The following SYT17 variants were observed in gnomAD, a reference collection of about 807,000 sequenced individuals.
SYT17 encodes synaptotagmin 17, also known as synaptotagmin-17.
SYT17 carries 22 observed loss-of-function variants against 46.7 expected under a neutral mutation model. The ratio of observed to expected loss-of-function variants is 0.47; its 90% CI spans 0.34 to 0.67. The LOEUF is 0.67. Among genes scored for constraint, SYT17 ranks in the 30% least tolerant of loss-of-function variants. The pLI is 0.01. For synonymous variants in SYT17, 251 were observed against 248.4 expected, an observed-to-expected ratio of 1.01 and a Z score of -0.10; for missense variants, 519 against 612.8, an observed-to-expected ratio of 0.85 and a Z score of 1.62.
intron 5 of SYT17, among the ~76,000 whole-genome samples, chr16:19,195,049 G>A (rs574161932): frequency 1.3e-5 from 2 of 152,322 alleles, no homozygotes; most frequent in Non-Finnish European, 2.9e-5. Flanking sequence ...CCAGCTGTGT[G>A]AACTTGGGTC....
At chr16:19,175,430 G>A (rs1212919009) in intron 3 of SYT17, among the ~76,000 whole-genome samples, 1 of 151,962 alleles carries the variant, frequency 6.6e-6, no homozygotes, top group Non-Finnish European at 1.5e-5. Context: ...GAGGTGGGAG[G>A]ACTGCTTGAG....
At chr16:19,244,907 C>T (rs59409367) in intron 7 of SYT17, among the ~76,000 whole-genome samples, 14,386 of 152,212 alleles carry the variant, frequency 0.095, 1,460 homozygotes, top group African/African-American at 0.23. Context: ...GAAGGAGAGG[C>T]TGGGAAATGT....
chr16:19,175,574 C>A (rs1288684771), intron 3 of SYT17, among the ~76,000 whole-genome samples: 1 of 144,478 alleles, frequency 6.9e-6, no homozygotes, highest in Admixed American at 7.3e-5. Context: ...TCGTTTGAGC[C>A]TGGAAAGTCA....
At chr16:19,252,020 C>G (rs11645516) in intron 7 of SYT17, among the ~76,000 whole-genome samples, 106,656 of 151,502 alleles carry the variant, frequency 0.7, 38,790 homozygotes, top group East Asian at 0.99. Context: ...GAGCAGCCTG[C>G]CTAACATGGC....
chr16:19,259,394 C>A (rs2143001098), intron 7 of SYT17, among the ~76,000 whole-genome samples: 1 of 152,268 alleles, frequency 6.6e-6, no homozygotes, highest in Non-Finnish European at 1.5e-5. Flanking sequence ...GATTCATGAT[C>A]ATAATTATAA....
In SYT17 at chr16:19,229,980, T is replaced by C. The variant is rs116066924; in HGVS notation, c.1228+5142T>C. ...TATGAGAGGACAAATGCCGTATCAT[T>C]TCATTTATGTGAAATACCTAGAGTA... On this transcript the variant is annotated intron_variant, in intron 7 of 7. Coordinates refer to ENST00000355377, the MANE Select transcript of SYT17 (RefSeq NM_016524.4). Among the ~76,000 whole-genome samples the C allele has an allele frequency of 6.6e-3, 1,000 of 152,334 alleles. 9 individuals carry two copies. Among genetic ancestry groups the C allele is most frequent in the African/African-American group, 0.022 (929 of 41,572 alleles).
At chr16:19,203,703 G>A (rs890066473) in intron 5 of SYT17, among the ~76,000 whole-genome samples, 4 of 152,212 alleles carry the variant, frequency 2.6e-5, no homozygotes, top group African/African-American at 9.6e-5. Flanking sequence ...ATGGCTCTGT[G>A]CCCAATGCAG....
intron 7 of SYT17, among the ~76,000 whole-genome samples, chr16:19,256,816 G>A (rs773142657): frequency 1.3e-5 from 2 of 152,030 alleles, no homozygotes; most frequent in African/African-American, 2.4e-5. Context: ...GGGCTCAAGC[G>A]ATCCTCCCAC....
intron 7 of SYT17, among the ~76,000 whole-genome samples, chr16:19,227,888 C>A (rs938558886): frequency 6.6e-6 from 1 of 152,184 alleles, no homozygotes; most frequent in Non-Finnish European, 1.5e-5. Context: ...CCAGGACATT[C>A]CATGGATACC....
chr16:19,178,574 G>A (rs1964415522), intron 3 of SYT17, among the ~76,000 whole-genome samples: 1 of 152,206 alleles, frequency 6.6e-6, no homozygotes, highest in South Asian at 2.1e-4. Flanking sequence ...TTACAGGCAT[G>A]AGCCACCATG....
chr16:19,209,599 G>C (rs994146919), intron 5 of SYT17, among the ~76,000 whole-genome samples: 7 of 152,056 alleles, frequency 4.6e-5, no homozygotes, highest in African/African-American at 1.2e-4. Flanking sequence ...GGCTGGGCGC[G>C]GTGGCTCACG....
intron 4 of SYT17, among the ~76,000 whole-genome samples, chr16:19,182,385 G>A (rs1162418471): frequency 6.6e-6 from 1 of 152,208 alleles, no homozygotes; most frequent in Non-Finnish European, 1.5e-5. Flanking sequence ...CTGCACTCCA[G>A]CCTGGACGAT....
intron 5 of SYT17, among the ~76,000 whole-genome samples, chr16:19,191,838 G>A (rs545913098): frequency 6.6e-6 from 1 of 152,264 alleles, no homozygotes; most frequent in Admixed American, 6.5e-5. Flanking sequence ...AGACTGGAGT[G>A]TAGTGGCATG....
rs543664461 is a variant in SYT17 at position 19,184,696 on chromosome 16, A to G, written c.951+549A>G. 1.0e-3 allele frequency among the ~76,000 whole-genome samples: 158 copies of G among 152,164 alleles called. No individual in the cohort carries two copies. The South Asian group carries it at 0.012, about 11-fold the overall frequency. On this transcript the variant is annotated intron_variant, in intron 5 of 7. Coordinates refer to ENST00000355377, the MANE Select transcript of SYT17 (RefSeq NM_016524.4). ...CTTTCTGTGAAAATTTATCACATGT[A>G]TAGATTCCTGTAACCACCACCACTC...
rs563416777 is a variant in SYT17 at position 19,266,332 on chromosome 16, G to C, written c.1229-548G>C. On this transcript the variant is annotated intron_variant, in intron 7 of 7. Coordinates refer to ENST00000355377, the MANE Select transcript of SYT17 (RefSeq NM_016524.4). Reference sequence around the variant, plus strand: ...TTTGGGGTTGTCACAGCTGTAGAGAGAGCTGCTACCAGCTTCTAGTACGTA... The same window carrying C: ...TTTGGGGTTGTCACAGCTGTAGAGACAGCTGCTACCAGCTTCTAGTACGTA... Among the ~76,000 whole-genome samples the C allele has an allele frequency of 2.6e-5, 4 of 152,352 alleles. No individual in the cohort carries two copies. The East Asian group carries it at 7.7e-4, about 29-fold the overall frequency.
chr16:19,168,702 G>T lies in SYT17; in HGVS notation c.15+41G>T. The T allele has an allele frequency of 2.1e-6, 3 of 1,450,382 alleles. No homozygotes were observed. Among genetic ancestry groups the T allele is most frequent in the African/African-American group, 1.5e-5 (1 of 67,172 alleles). The allele number at this position is 1,450,382 out of a possible 1,614,324, so 89.8% of individuals were successfully genotyped here. ...GGGGCAAGGTCCGGGGTGCGGGTAGGGGGTGCCGCGCCCCCTCCGGCTGGG... is the reference window on the plus strand; with the variant it reads ...GGGGCAAGGTCCGGGGTGCGGGTAGTGGGTGCCGCGCCCCCTCCGGCTGGG... On this transcript the variant is annotated intron_variant, in intron 1 of 7. Transcript: ENST00000355377. This position sits in a 1 kb window ranked among gnomAD's most constrained non-coding sequence, Gnocchi z 6.9.
At chr16:19,225,548 G>T (rs1222416592) in intron 7 of SYT17, among the ~76,000 whole-genome samples, 10 of 152,164 alleles carry the variant, frequency 6.6e-5, no homozygotes, top group Non-Finnish European at 1.5e-5. Context: ...GGTATACAAA[G>T]CTTTGCTGTA....
At chr16:19,187,893 A>C (rs1406976985) in intron 5 of SYT17, among the ~76,000 whole-genome samples, 1 of 152,226 alleles carries the variant, frequency 6.6e-6, no homozygotes, top group Non-Finnish European at 1.5e-5. Flanking sequence ...TGGGAGTGTA[A>C]ATTAGTTCAG....
intron 3 of SYT17, among the ~76,000 whole-genome samples, chr16:19,178,501 G>A (rs570839116): frequency 2.9e-4 from 44 of 151,742 alleles, no homozygotes; most frequent in South Asian, 1.9e-3. Flanking sequence ...CATGTCGGCC[G>A]GGTTGGTCTC....
Sources: allele counts gnomAD v4.1 joint callset (sites outside exome capture counted in the v4.1 genomes callset), GRCh38; gene constraint gnomAD v4.1.1; non-coding constraint Gnocchi (gnomAD v3.1); transcripts MANE v1.5; gene names NCBI Gene and HGNC (gene_info 2026-07-23, HGNC 2026-07-21).